Variants in GNL3L observed in about 807,000 individuals in gnomAD.
The protein encoded by GNL3L is G protein nucleolar 3 like.
Under a neutral mutation model 42.9 loss-of-function variants are expected in GNL3L, and 4 were observed. The ratio of observed to expected loss-of-function variants is 0.09; its 90% CI spans 0.05 to 0.21. GNL3L has a LOEUF of 0.21. Ranked by LOEUF, GNL3L falls within the 10% of genes least tolerant of loss-of-function variation. The pLI is 1.00. For missense variants in GNL3L, 412 were observed against 481.7 expected, an observed-to-expected ratio of 0.86 and a Z score of 1.36; for synonymous variants, 159 against 176.3, an observed-to-expected ratio of 0.90 and a Z score of 0.78.
At chrX:54,536,444 G>A (rs1469164645) in intron 2 of GNL3L, among the ~76,000 whole-genome samples, 1 of 110,581 alleles carries the variant, frequency 9.0e-6, no homozygotes, top group Admixed American at 9.8e-5. Flanking sequence ...TTTAGCTTGG[G>A]ATCTTTATTC....
intron 16 of GNL3L, among the ~76,000 whole-genome samples, chrX:54,586,476 T>G (rs1164476473): frequency 8.9e-6 from 1 of 111,997 alleles, no homozygotes; most frequent in Non-Finnish European, 1.9e-5. Flanking sequence ...GCAGCAATCC[T>G]GCACCCACTG....
At chrX:54,644,541 T>A in the GNL3L span, among the ~76,000 whole-genome samples, 1 of 112,164 alleles carries the variant, frequency 8.9e-6, no homozygotes, top group East Asian at 2.8e-4. Flanking sequence ...ACTCATTGAA[T>A]TGGAATGTCA....
At chrX:54,580,388 C>A (rs1190666515) in intron 16 of GNL3L, among the ~76,000 whole-genome samples, 1 of 110,366 alleles carries the variant, frequency 9.1e-6, no homozygotes, top group Non-Finnish European at 1.9e-5. Flanking sequence ...TTTTCTTAAT[C>A]CAGTCTATCA....
At chrX:54,581,548 T>G (rs1341991417) in intron 16 of GNL3L, among the ~76,000 whole-genome samples, 2 of 112,690 alleles carry the variant, frequency 1.8e-5, no homozygotes, top group Non-Finnish European at 3.7e-5. Flanking sequence ...GTTGCCCTTT[T>G]ATAGCCACCC....
intron 16 of GNL3L, among the ~76,000 whole-genome samples, chrX:54,594,858 A>G (rs1021308191): frequency 1.8e-5 from 2 of 111,903 alleles, no homozygotes; most frequent in African/African-American, 6.5e-5. Context: ...TAACAACTTA[A>G]CACTGTTTGC....
intron 14 of GNL3L, among the ~76,000 whole-genome samples, chrX:54,555,633 ATTTTTTTTTTTTTTTT>A (rs759334820): frequency 6.0e-5 from 4 of 66,396 alleles, no homozygotes; most frequent in African/African-American, 7.9e-5. Context: ...ACCATGCCTA[ATTTTTTTTTTTTTTTT>A]TTTTTTTTTT....
chrX:54,546,084 C>T (rs780755251), intron 8 of GNL3L, among the ~76,000 whole-genome samples: 26 of 112,308 alleles, frequency 2.3e-4, no homozygotes, highest in African/African-American at 6.1e-4. Context: ...TGGTCTTGAA[C>T]TCCTGGCCTC....
At chrX:54,555,803 C>A (rs749322026) in intron 14 of GNL3L, among the ~76,000 whole-genome samples, 5 of 108,263 alleles carry the variant, frequency 4.6e-5, no homozygotes, top group African/African-American at 6.7e-5. Flanking sequence ...TTCTAATGGC[C>A]CAGTCTGACC....
chrX:54,567,919 C>T (rs1445956537), downstream of GNL3L, among the ~76,000 whole-genome samples: 1 of 110,020 alleles, frequency 9.1e-6, no homozygotes, highest in Non-Finnish European at 1.9e-5. Flanking sequence ...TTATGATAAA[C>T]CAATCCTGCA....
At chrX:54,622,237 T>C (rs1926295689), downstream of GNL3L, among the ~76,000 whole-genome samples, 1 of 109,850 alleles carries the variant, frequency 9.1e-6, no homozygotes, top group South Asian at 3.8e-4. Flanking sequence ...CTTTTCTCCT[T>C]TTAAAATTGG....
intron 1 of GNL3L, among the ~76,000 whole-genome samples, chrX:54,530,781 C>T (rs1370254050): frequency 1.8e-5 from 2 of 112,149 alleles, no homozygotes; most frequent in Non-Finnish European, 1.9e-5. Flanking sequence ...ACTTCCTTGG[C>T]TTGGCTCTAG....
At chrX:54,592,541 C>T (rs914423703) in intron 16 of GNL3L, among the ~76,000 whole-genome samples, 2 of 111,626 alleles carry the variant, frequency 1.8e-5, no homozygotes, top group African/African-American at 6.5e-5. Flanking sequence ...TTTGCCTGGG[C>T]GCAGTGGCTC....
At chrX:54,583,427 C>T (rs1428589584) in intron 16 of GNL3L, among the ~76,000 whole-genome samples, 1 of 110,525 alleles carries the variant, frequency 9.0e-6, no homozygotes, top group Non-Finnish European at 1.9e-5. Flanking sequence ...CTGCTGACCT[C>T]AGGTGATCCA....
At chrX:54,631,291 G>C in the GNL3L span, among the ~76,000 whole-genome samples, 2 of 110,761 alleles carry the variant, frequency 1.8e-5, no homozygotes, top group Non-Finnish European at 3.8e-5. Context: ...TTTCTTTGTT[G>C]ACTTTCTGTC....
intron 16 of GNL3L, among the ~76,000 whole-genome samples, chrX:54,584,745 T>C (rs1254389691): frequency 8.9e-6 from 1 of 112,679 alleles, no homozygotes; most frequent in Non-Finnish European, 1.9e-5. Context: ...GTTTTTAATT[T>C]TTTTGAGGAA....
intron 16 of GNL3L, among the ~76,000 whole-genome samples, chrX:54,607,760 C>T (rs377373334): frequency 1.1e-4 from 12 of 111,996 alleles, no homozygotes; most frequent in African/African-American, 3.9e-4. Flanking sequence ...TTGGATAGCA[C>T]AGCTCTAGAG....
chrX:54,556,527 C>T (rs1925101844), intron 14 of GNL3L, among the ~76,000 whole-genome samples: 1 of 110,834 alleles, frequency 9.0e-6, no homozygotes, highest in African/African-American at 3.3e-5. Context: ...GTCTTGAAAC[C>T]TGAGGAGTTC....
chrX:54,584,650 A>G lies in GNL3L; in HGVS notation c.*45+24003A>G, dbSNP rs547102724. On this transcript the variant is annotated intron_variant, in intron 16 of 16. Coordinates refer to the GNL3L transcript ENST00000674498. Reference sequence around the variant, plus strand: ...GTGAATAATATACAATGAACATGGTAGTACAGATAGCTCTTCAATATACTG... The same window carrying G: ...GTGAATAATATACAATGAACATGGTGGTACAGATAGCTCTTCAATATACTG... 1.4e-4 allele frequency among the ~76,000 whole-genome samples: 16 copies of G among 112,787 alleles called. 1 individual carries two copies. In the South Asian group the frequency reaches 5.5e-3, roughly 38 times the overall value.
At chrX:54,641,785 G>A in the GNL3L span, among the ~76,000 whole-genome samples, 78 of 111,639 alleles carry the variant, frequency 7.0e-4, 1 homozygote, top group Admixed American at 7.3e-3. Context: ...TTAGTTGTGG[G>A]GAGCTGAGCT....
Sources: gnomAD v4.1 joint callset for allele counts (sites outside exome capture counted in the v4.1 genomes callset) on GRCh38, gnomAD v4.1.1 for gene constraint, MANE v1.5 for transcripts, NCBI Gene and HGNC (gene_info 2026-07-23, HGNC 2026-07-21) for gene names.